PITHD1: variants seen among roughly 807,000 people sequenced by gnomAD.
The protein encoded by PITHD1 is PITH domain-containing protein 1.
PITHD1 carries 8 observed loss-of-function variants against 27.5 expected under a neutral mutation model. That is an observed-to-expected ratio of 0.29 (90% CI 0.17 to 0.52). The LOEUF is 0.52. Ranked by LOEUF, PITHD1 falls within the 20% of genes least tolerant of loss-of-function variation. PITHD1 has a pLI of 0.96. For missense variants in PITHD1, 233 were observed against 283.9 expected (o/e 0.82, Z 1.29); for synonymous variants, 118 against 106.8 (o/e 1.10, Z -0.64).
chr1:23,781,412 A>C (rs1638599691), intron 3 of PITHD1, among the ~76,000 whole-genome samples: 1 of 151,860 alleles, frequency 6.6e-6, no homozygotes, highest in South Asian at 2.1e-4. Context: ...GCAGTGAGCC[A>C]AGATTGCACC....
rs928977765 is a variant in PITHD1 at position 23,779,490 on chromosome 1, C to G, written c.242+9C>G. 2 of 1,605,714 alleles carry G rather than the reference C, an allele frequency of 1.2e-6. No individual in the cohort carries two copies. The highest frequency in any genetic ancestry group is 2.7e-5 in the African/African-American group (2 of 74,880). ...CTTCTGTTTAATATTCCGTAAGTAT[C>G]TCCTTGGTGCCTACCTCAGGCTAAA... On this transcript the variant is annotated intron_variant, in intron 2 of 5. Transcript: ENST00000246151.
chr1:23,782,396 G>A (rs1250644853), intron 3 of PITHD1, among the ~76,000 whole-genome samples: 1 of 151,190 alleles, frequency 6.6e-6, no homozygotes. Flanking sequence ...TCCAACATGT[G>A]TGACAGTGCA....
At position 23,778,458 on chromosome 1, in the gene PITHD1, G is replaced by A. The variant is rs558694379; in HGVS notation, c.-58G>A. On this transcript the variant is annotated 5_prime_UTR_variant, in exon 1 of 6. Transcript: ENST00000246151. ...ACGGCGCGGAGCTGGTCTGAGGCGA[G>A]CCGAGCCGAGCGAGCGCGGCGGTGG... The A allele has an allele frequency of 4.7e-5, 58 of 1,244,502 alleles. No homozygotes were observed. The Admixed American group carries it at 2.2e-3, about 47-fold the overall frequency. The allele number at this position is 1,244,502 out of a possible 1,614,324, so 77.1% of individuals were successfully genotyped here.
intron 3 of PITHD1, among the ~76,000 whole-genome samples, chr1:23,782,662 T>C (rs1021345270): frequency 3.4e-4 from 52 of 152,020 alleles, no homozygotes; most frequent in African/African-American, 1.2e-3. Flanking sequence ...AGTGCAGTAG[T>C]GTGATCATAG....
At chr1:23,783,368 T>TAC (rs1439065689) in intron 3 of PITHD1, among the ~76,000 whole-genome samples, 2 of 137,712 alleles carry the variant, frequency 1.5e-5, no homozygotes, top group Admixed American at 1.5e-4. Context: ...CATATATATA[T>TAC]ACACATATAT....
intron 3 of PITHD1, among the ~76,000 whole-genome samples, chr1:23,781,266 C>T (rs1638598184): frequency 6.6e-6 from 1 of 152,134 alleles, no homozygotes; most frequent in African/African-American, 2.4e-5. Flanking sequence ...AGTTCAAGAT[C>T]ATCCTGGTCA....
Position 23,788,189 on chromosome 1 carries a change from C to T in PITHD1, c.*813C>T, listed in dbSNP as rs1638713324. 1 of 152,180 alleles carries T rather than the reference C, an allele frequency of 6.6e-6. No individual in the cohort carries two copies. The highest frequency in any genetic ancestry group is 6.5e-5 in the Admixed American group (1 of 15,278). 9.4% of individuals were successfully genotyped at this position (152,180 alleles called of 1,614,324 possible). Reference sequence around the variant, plus strand: ...AGTTCTTCTTTTCATGGCTTTTATTCACTGTGACTAATAAGCTTCCTAATA... The same window carrying T: ...AGTTCTTCTTTTCATGGCTTTTATTTACTGTGACTAATAAGCTTCCTAATA... On this transcript the variant is annotated 3_prime_UTR_variant, in exon 6 of 6. Coordinates refer to ENST00000246151, the MANE Select transcript of PITHD1 (RefSeq NM_020362.5).
chr1:23,784,723 TTTTTA>T (rs1638658719), intron 3 of PITHD1, among the ~76,000 whole-genome samples: 3 of 152,168 alleles, frequency 2.0e-5, no homozygotes, highest in Non-Finnish European at 4.4e-5. Flanking sequence ...AGCAGTTTAC[TTTTTA>T]TTTATTCTGA....
At chr1:23,784,361 C>T (rs1308622346) in intron 3 of PITHD1, among the ~76,000 whole-genome samples, 10 of 151,492 alleles carry the variant, frequency 6.6e-5, no homozygotes, top group Non-Finnish European at 1.0e-4. Context: ...CTGCCTCAGC[C>T]TCCCAAGTAG....
At chr1:23,782,776 A>G (rs1638621813) in intron 3 of PITHD1, among the ~76,000 whole-genome samples, 1 of 151,234 alleles carries the variant, frequency 6.6e-6, no homozygotes, top group Non-Finnish European at 1.5e-5. Context: ...TAATTTATGT[A>G]TTTTTTTGCA....
chr1:23,783,954 C>T (rs902910578), intron 3 of PITHD1, among the ~76,000 whole-genome samples: 4 of 152,068 alleles, frequency 2.6e-5, no homozygotes, highest in East Asian at 3.8e-4. Flanking sequence ...TCAATATATG[C>T]GTTACTTAGA....
At chr1:23,778,889 T>G (rs1246655969) in intron 1 of PITHD1, among the ~76,000 whole-genome samples, 176 bp downstream of exon 1, 1 of 152,092 alleles carries the variant, frequency 6.6e-6, no homozygotes, top group Non-Finnish European at 1.5e-5. Context: ...ATTTTGCATA[T>G]AGGGAAACTG....
chr1:23,783,554 C>T (rs1384757186), intron 3 of PITHD1, among the ~76,000 whole-genome samples: 1 of 151,390 alleles, frequency 6.6e-6, no homozygotes, highest in Non-Finnish European at 1.5e-5. Context: ...TGGGGTCAAG[C>T]GATTCTCTTG....
intron 4 of PITHD1, 104 bp from the exon 5 acceptor site, chr1:23,786,211 G>C: frequency 1.8e-6 from 1 of 564,594 alleles, no homozygotes. Context: ...CTCTGACTTT[G>C]CCTGGCTTTT....
chr1:23,786,387 G>A lies in PITHD1; in HGVS notation c.498G>A (p.Lys166=), dbSNP rs767649541. 1 of 1,606,008 alleles carries A rather than the reference G, an allele frequency of 6.2e-7. No individual in the cohort carries two copies. Among genetic ancestry groups the A allele is most frequent in the South Asian group, 1.1e-5 (1 of 90,620 alleles). Reference sequence around the variant, plus strand: ...AAAACTTCGGAGCAGATACGACAAAGGTCTTTTATATTGGCCTGAGAGGAG... The same window carrying A: ...AAAACTTCGGAGCAGATACGACAAAAGTCTTTTATATTGGCCTGAGAGGAG... ...ISKNFGADTT[K]VFYIGLRGEW... The change falls in exon 5 of 6, where the codon AAG becomes AAA. Residue 166 remains lysine (K), a synonymous_variant. Transcript: ENST00000246151.
intron 1 of PITHD1, 95 bp from the exon 2 acceptor site, chr1:23,779,343 C>A: frequency 1.1e-6 from 1 of 906,756 alleles, no homozygotes; most frequent in Non-Finnish European, 1.8e-6. Flanking sequence ...CTTCCCATTG[C>A]ACCCCAGTTG....
At chr1:23,779,973 G>C (rs370855468) in intron 3 of PITHD1, 32 bp downstream of exon 3, 2 of 1,347,804 alleles carry the variant, frequency 1.5e-6, no homozygotes, top group African/African-American at 2.9e-5. Context: ...CCTCAAAGGA[G>C]CTCCTAATTC....
chr1:23,783,399 GCATATATACA>G (rs1638635936), intron 3 of PITHD1, among the ~76,000 whole-genome samples: 2 of 65,144 alleles, frequency 3.1e-5, no homozygotes, highest in African/African-American at 7.0e-5. Flanking sequence ...ACATATATAC[GCATATATACA>G]CATATATATG....
chr1:23,778,833 C>A, intron 1 of PITHD1, 120 bp downstream of exon 1: 2 of 532,378 alleles, frequency 3.8e-6, no homozygotes, highest in Non-Finnish European at 5.8e-6. Flanking sequence ...CTTTTCCGTG[C>A]CTGTCTCCTG....
Sources: gnomAD v4.1 joint callset for allele counts (sites outside exome capture counted in the v4.1 genomes callset) on GRCh38, gnomAD v4.1.1 for gene constraint, MANE v1.5 for transcripts, NCBI Gene and HGNC (gene_info 2026-07-23, HGNC 2026-07-21) for gene names.